The following KIF6 variants were observed in gnomAD, a reference collection of about 807,000 sequenced individuals.
The protein encoded by KIF6 is kinesin-like protein KIF6.
Under a neutral mutation model 112.7 loss-of-function variants are expected in KIF6, and 106 were observed. That is an observed-to-expected ratio of 0.94 (90% confidence interval 0.80 to 1.11). The LOEUF (loss-of-function observed/expected upper bound fraction) is 1.11, where lower values mean the gene tolerates loss of function less well. Among genes scored for constraint, KIF6 ranks in the 50% least tolerant of loss-of-function variants. The pLI is 0.00. For synonymous variants in KIF6, 339 were observed against 339.9 expected, an observed-to-expected ratio of 1.00 and a Z score of 0.03; for missense variants, 929 against 964.0, an observed-to-expected ratio of 0.96 and a Z score of 0.48.
chr6:39,440,295 C>T (rs1017627241), intron 13 of KIF6, among the ~76,000 whole-genome samples: 2 of 151,962 alleles, frequency 1.3e-5, no homozygotes, highest in Non-Finnish European at 2.9e-5. Context: ...CTCTGTGGCT[C>T]AATAGTGGAA....
At chr6:39,523,001 C>T (rs566541056) in intron 13 of KIF6, among the ~76,000 whole-genome samples, 8 of 152,290 alleles carry the variant, frequency 5.3e-5, no homozygotes, top group African/African-American at 9.6e-5. Context: ...TTGCTTTGAG[C>T]GCTAAAGCTA....
At chr6:39,469,132 T>C (rs1051040230) in intron 13 of KIF6, among the ~76,000 whole-genome samples, 1 of 152,104 alleles carries the variant, frequency 6.6e-6, no homozygotes, top group African/African-American at 2.4e-5. Context: ...AGCTGAGATG[T>C]ATATTTTAAG....
intron 13 of KIF6, among the ~76,000 whole-genome samples, chr6:39,504,343 G>A (rs1410861240): frequency 6.6e-6 from 1 of 151,464 alleles, no homozygotes; most frequent in Non-Finnish European, 1.5e-5. Context: ...ACTATGTATT[G>A]AACCTCAAAA....
chr6:39,660,035 G>T (rs1786041580), intron 3 of KIF6, among the ~76,000 whole-genome samples: 1 of 152,128 alleles, frequency 6.6e-6, no homozygotes, highest in Non-Finnish European at 1.5e-5. Context: ...ATCTGGCCTG[G>T]CATGGTGTCT....
intron 13 of KIF6, among the ~76,000 whole-genome samples, chr6:39,452,735 CA>C (rs1485813096): frequency 6.6e-6 from 1 of 152,134 alleles, no homozygotes. Flanking sequence ...CTATGATTTC[CA>C]GACGTATGGA....
chr6:39,523,239 T>C lies in KIF6; in HGVS notation c.1645+16764A>G, dbSNP rs149759799. 4.9e-4 allele frequency among the ~76,000 whole-genome samples: 74 copies of C among 152,244 alleles called. 1 individual carries two copies. The highest frequency in any genetic ancestry group is 3.4e-3 in the Middle Eastern group (1 of 294). On this transcript the variant is annotated intron_variant, in intron 13 of 22. Transcript: ENST00000287152. ...CTTTTCAGTCCCTACCGTGGCTGGC[T>C]TGGTCGAGGTCCTTATAATTACGTA...
intron 13 of KIF6, among the ~76,000 whole-genome samples, chr6:39,454,531 CAAAA>C (rs560119968): frequency 1.3e-5 from 1 of 76,038 alleles, no homozygotes; most frequent in Non-Finnish European, 3.0e-5. Context: ...CTGAGAGCAT[CAAAA>C]AAAAAAAAAA....
At chr6:39,577,692 T>C (rs1189432213) in intron 10 of KIF6, among the ~76,000 whole-genome samples, 3 of 152,230 alleles carry the variant, frequency 2.0e-5, no homozygotes, top group African/African-American at 7.2e-5. Flanking sequence ...TGCTGTTTAA[T>C]ACAAAGGATG....
intron 13 of KIF6, among the ~76,000 whole-genome samples, chr6:39,467,501 AAC>A (rs1281004442): frequency 2.6e-5 from 4 of 152,130 alleles, no homozygotes; most frequent in Non-Finnish European, 4.4e-5. Flanking sequence ...GGAAAAAAAA[AAC>A]ACAGAGAGAG....
chr6:39,389,191 T>C (rs1349098574), intron 15 of KIF6, among the ~76,000 whole-genome samples: 1 of 152,178 alleles, frequency 6.6e-6, no homozygotes, highest in Non-Finnish European at 1.5e-5. Context: ...CATGCAGAAG[T>C]GAAACTGATT....
At chr6:39,384,129 A>C (rs1452266296) in intron 16 of KIF6, among the ~76,000 whole-genome samples, 1 of 152,068 alleles carries the variant, frequency 6.6e-6, no homozygotes, top group Non-Finnish European at 1.5e-5. Context: ...GATGCCTTTT[A>C]TTTCTTTCTC....
chr6:39,661,056 T>C (rs1262528607), intron 3 of KIF6, among the ~76,000 whole-genome samples: 1 of 152,224 alleles, frequency 6.6e-6, no homozygotes, highest in Non-Finnish European at 1.5e-5. Flanking sequence ...TATTGCACTA[T>C]GGAATCAATC....
intron 3 of KIF6, among the ~76,000 whole-genome samples, chr6:39,685,792 A>C (rs892641059): frequency 3.9e-5 from 6 of 152,242 alleles, no homozygotes; most frequent in African/African-American, 1.4e-4. Flanking sequence ...AGTTGCCAGC[A>C]GACAGAACTG....
chr6:39,420,129 CTAAA>C, intron 14 of KIF6, 126 bp from the exon 15 acceptor site: 2 of 663,300 alleles, frequency 3.0e-6, no homozygotes, highest in Non-Finnish European at 5.2e-6. Flanking sequence ...AAAGAAAAAT[CTAAA>C]TAAGTAAAAT....
intron 16 of KIF6, among the ~76,000 whole-genome samples, chr6:39,377,666 G>A (rs1766561534): frequency 6.6e-6 from 1 of 152,174 alleles, no homozygotes; most frequent in Admixed American, 6.5e-5. Context: ...ATGCTGGTTG[G>A]GGGAAAAGAG....
At chr6:39,419,383 C>T (rs878978323) in intron 15 of KIF6, among the ~76,000 whole-genome samples, 4 of 139,576 alleles carry the variant, frequency 2.9e-5, no homozygotes, top group Non-Finnish European at 4.7e-5. Flanking sequence ...AAAGAGAATT[C>T]GAGGCACATT....
intron 5 of KIF6, among the ~76,000 whole-genome samples, chr6:39,626,246 C>T (rs1421501438): frequency 6.6e-6 from 1 of 152,136 alleles, no homozygotes; most frequent in Non-Finnish European, 1.5e-5. Context: ...AACCACAGCC[C>T]TTTGAGGCCA....
At chr6:39,585,846 C>A (rs188521720) in intron 8 of KIF6, among the ~76,000 whole-genome samples, 29 of 152,320 alleles carry the variant, frequency 1.9e-4, no homozygotes, top group African/African-American at 6.5e-4. Context: ...GCCAAAGCAT[C>A]CTGGTTGCTT....
Position 39,578,114 on chromosome 6 carries a change from G to A in KIF6, c.1123C>T (p.Leu375=). The A allele has an allele frequency of 6.2e-7, 1 of 1,614,086 alleles. No homozygotes were observed. Among genetic ancestry groups the A allele is most frequent in the Middle Eastern group, 1.6e-4 (1 of 6,062 alleles). The change falls in exon 10 of 23, where the codon CTG becomes TTG. Residue 375 remains leucine, a synonymous_variant. Coordinates refer to ENST00000287152, the MANE Select transcript of KIF6 (RefSeq NM_145027.6). ...QKEIQELKDE[L]AMVTGEQRTE... is the part of the protein sequence containing the mutation. Reference sequence around the variant, plus strand: ...CTCTGCTCCCCAGTGACCATGGCCAGTTCATCCTTCAGTTCCTGGATTTCC... The same window carrying A: ...CTCTGCTCCCCAGTGACCATGGCCAATTCATCCTTCAGTTCCTGGATTTCC...
Sources: gnomAD v4.1 joint callset for allele counts (sites outside exome capture counted in the v4.1 genomes callset) on GRCh38, gnomAD v4.1.1 for gene constraint, MANE v1.5 for transcripts, NCBI Gene and HGNC (gene_info 2026-07-23, HGNC 2026-07-21) for gene names.